AVEN: variants seen among roughly 807,000 people sequenced by gnomAD.
AVEN encodes the protein cell death regulator Aven.
In AVEN, 41 loss-of-function variants were observed where a neutral mutation model predicts 38.1. The ratio of observed to expected loss-of-function variants is 1.08; its 90% confidence interval spans 0.84 to 1.40. The LOEUF is 1.40. AVEN is among the 40% of genes most tolerant of loss of function. AVEN has a pLI of 0.00. For synonymous variants in AVEN, 206 were observed against 171.8 expected, an observed-to-expected ratio of 1.20 and a Z score of -1.56; for missense variants, 605 against 438.8, an observed-to-expected ratio of 1.38 and a Z score of -3.38.
At chr15:33,934,914 T>C (rs1004697316) in intron 2 of AVEN, among the ~76,000 whole-genome samples, 5 of 152,182 alleles carry the variant, frequency 3.3e-5, no homozygotes, top group African/African-American at 1.2e-4. Context: ...AAGAATTAAA[T>C]GAAACGATGT....
intron 2 of AVEN, among the ~76,000 whole-genome samples, chr15:33,949,121 T>C (rs1894623789): frequency 6.6e-6 from 1 of 152,192 alleles, no homozygotes; most frequent in Non-Finnish European, 1.5e-5. Context: ...CTTCCCAGGT[T>C]CAGGCGATTC....
intron 1 of AVEN, among the ~76,000 whole-genome samples, chr15:34,029,330 G>A (rs1898651157): frequency 6.6e-6 from 1 of 152,084 alleles, no homozygotes; most frequent in Non-Finnish European, 1.5e-5. Context: ...AATAACACCT[G>A]GCCACATCTT....
rs148454789 is a variant in AVEN at position 33,867,851 on chromosome 15, G to T, written c.617C>A (p.Thr206Lys). The change falls in exon 5 of 6, where the codon ACA (threonine) becomes AAA (lysine). Residue 206 changes from threonine to lysine, a missense_variant. Physicochemically the swap from Thr to Lys is moderately conservative, Grantham distance 78. Transcript: ENST00000306730. The stretch of plus-strand genomic sequence containing the variant: ...CACCTGAGGAACCTCTAAAGGAACT[G>T]TACCCTGAAAGAGAAGTATAAAAAC... Reference protein sequence around the residue: ...LNVAAELVQGTVPLEVPQVKP... With the variant: ...LNVAAELVQGKVPLEVPQVKP... The T allele has an allele frequency of 2.7e-4, 422 of 1,566,758 alleles. No homozygotes were observed. The highest frequency in any genetic ancestry group is 3.5e-4 in the Non-Finnish European group (407 of 1,162,104).
intron 2 of AVEN, among the ~76,000 whole-genome samples, chr15:33,954,852 T>G (rs1441829351): frequency 6.6e-6 from 1 of 152,144 alleles, no homozygotes. Flanking sequence ...TCTTCTTAAC[T>G]AAGATAAATA....
At chr15:33,957,740 G>T (rs749881168) in intron 2 of AVEN, among the ~76,000 whole-genome samples, 31 of 150,014 alleles carry the variant, frequency 2.1e-4, no homozygotes, top group Non-Finnish European at 4.0e-4. Context: ...AAAAAAGCCA[G>T]ACATAAGCGA....
chr15:34,043,657 A>G (rs1207153643), upstream of AVEN, among the ~76,000 whole-genome samples: 1 of 152,156 alleles, frequency 6.6e-6, no homozygotes, highest in Non-Finnish European at 1.5e-5. Flanking sequence ...TCATAAGGGT[A>G]CTTTGACTTG....
chr15:34,053,319 A>AAAATATATAT (rs775436850), intron 5 of AVEN, among the ~76,000 whole-genome samples: 11 of 42,068 alleles, frequency 2.6e-4, no homozygotes, highest in African/African-American at 8.8e-4. Context: ...AAAAAAAAAA[A>AAAATATATAT]ATATATATAT....
chr15:34,033,008 T>C (rs577301364), intron 1 of AVEN, among the ~76,000 whole-genome samples: 10 of 152,304 alleles, frequency 6.6e-5, no homozygotes, highest in African/African-American at 9.6e-5. Flanking sequence ...CTGAGTGACA[T>C]TGATATGGCA....
upstream of AVEN, among the ~76,000 whole-genome samples, chr15:34,042,168 C>A (rs1899499261): frequency 6.6e-6 from 1 of 152,126 alleles, no homozygotes; most frequent in African/African-American, 2.4e-5. Context: ...CAACCAGAGA[C>A]CTTTGGATTG....
chr15:34,004,162 TAATTC>T (rs1422815298), intron 1 of AVEN, among the ~76,000 whole-genome samples: 2 of 152,228 alleles, frequency 1.3e-5, no homozygotes, highest in African/African-American at 4.8e-5. Flanking sequence ...CACAAAATCT[TAATTC>T]AATAGAAAAG....
At chr15:34,011,300 A>T (rs551801227) in intron 1 of AVEN, among the ~76,000 whole-genome samples, 1 of 152,364 alleles carries the variant, frequency 6.6e-6, no homozygotes, top group Non-Finnish European at 1.5e-5. Context: ...AAAACATTGA[A>T]TAAAAAAGGA....
At chr15:34,038,185 TAAA>T (rs1172844818) in intron 1 of AVEN, among the ~76,000 whole-genome samples, 1 of 152,162 alleles carries the variant, frequency 6.6e-6, no homozygotes, top group African/African-American at 2.4e-5. Flanking sequence ...ACAGGCATAA[TAAA>T]AGAGAACTAC....
At chr15:33,853,703 C>G in the AVEN span, 17 of 1,607,698 alleles carry the variant, frequency 1.1e-5, no homozygotes, top group Middle Eastern at 1.7e-4. Context: ...CTTAGGAGTT[C>G]AAATCCAAAG....
rs113242888 is a variant in AVEN, at chr15:33,910,160, T to G, written c.446-34165A>C. Among the ~76,000 whole-genome samples, 643 of 150,756 alleles carry G rather than the reference T, an allele frequency of 4.3e-3. 6 individuals are homozygous for G. The highest frequency in any genetic ancestry group is 0.015 in the African/African-American group (619 of 41,026). On this transcript the variant is annotated intron_variant, in intron 2 of 5. Transcript: ENST00000306730. The stretch of plus-strand genomic sequence containing the variant: ...AAAAAAAAAAAAAAAAATTGCTTAG[T>G]AAGCAAGGTAGTACTTGTTAAAAAT...
upstream of AVEN, among the ~76,000 whole-genome samples, chr15:34,039,331 A>G (rs536688466): frequency 3.3e-4 from 50 of 152,110 alleles, no homozygotes; most frequent in East Asian, 7.5e-3. Context: ...TTCTCAAGGC[A>G]TCAGAGATAG....
chr15:34,047,466 C>T (rs1329051704), intron 5 of AVEN, among the ~76,000 whole-genome samples: 1 of 152,186 alleles, frequency 6.6e-6, no homozygotes, highest in African/African-American at 2.4e-5. Flanking sequence ...AGGGCTGAAA[C>T]CAGGGAGCCA....
upstream of AVEN, among the ~76,000 whole-genome samples, chr15:34,040,182 C>G (rs1046918780): frequency 1.3e-5 from 2 of 152,072 alleles, no homozygotes; most frequent in African/African-American, 4.8e-5. Flanking sequence ...AAAAAAAAAC[C>G]TTGCCCCTGC....
intron 2 of AVEN, among the ~76,000 whole-genome samples, chr15:33,960,572 A>G (rs752365262): frequency 1.3e-5 from 2 of 152,214 alleles, no homozygotes; most frequent in African/African-American, 2.4e-5. Context: ...GGATTAAAAA[A>G]AAGAACTTCT....
At chr15:33,865,059 GAACAAA>G, downstream of AVEN, 3 of 1,208,324 alleles carry the variant, frequency 2.5e-6, no homozygotes, top group Non-Finnish European at 3.6e-6. Flanking sequence ...GAGCCACAAA[GAACAAA>G]AACAAACTGG....
Sources: allele counts gnomAD v4.1 joint callset (sites outside exome capture counted in the v4.1 genomes callset), GRCh38; gene constraint gnomAD v4.1.1; transcripts MANE v1.5; gene names NCBI Gene and HGNC (gene_info 2026-07-23, HGNC 2026-07-21).